The following MACROD2 variants were observed in gnomAD, a reference collection of about 807,000 sequenced individuals.
MACROD2 encodes ADP-ribose glycohydrolase MACROD2.
In MACROD2, 36 loss-of-function variants were observed where a neutral mutation model predicts 70.4. That is an observed-to-expected ratio of 0.51 (90% confidence interval 0.39 to 0.68). The LOEUF is 0.68. MACROD2 is among the 30% of genes least tolerant of loss of function. MACROD2 has a pLI of 0.00. For synonymous variants in MACROD2, 172 were observed against 178.8 expected (o/e 0.96, Z 0.30); for missense variants, 496 against 538.4 (o/e 0.92, Z 0.78).
chr20:14,697,097 T>C (rs1434505688), intron 5 of MACROD2, among the ~76,000 whole-genome samples: 1 of 152,178 alleles, frequency 6.6e-6, no homozygotes, highest in Non-Finnish European at 1.5e-5. Flanking sequence ...TGGGAGTGGC[T>C]TGACGGAACT....
At chr20:14,815,779 T>C (rs1316487693) in intron 5 of MACROD2, among the ~76,000 whole-genome samples, 1 of 152,024 alleles carries the variant, frequency 6.6e-6, no homozygotes, top group Non-Finnish European at 1.5e-5. Context: ...TTGTTTTTTA[T>C]TTTTATTTTT....
At chr20:14,659,146 C>A (rs979574755) in intron 4 of MACROD2, among the ~76,000 whole-genome samples, 1 of 152,084 alleles carries the variant, frequency 6.6e-6, no homozygotes, top group African/African-American at 2.4e-5. Flanking sequence ...CAATAACTAG[C>A]CTTTTTCATG....
rs1182325393 is a variant in MACROD2, at chr20:16,052,828, A to G, written c.*2952A>G. 1 of 152,668 alleles carries G rather than the reference A, an allele frequency of 6.6e-6. No homozygotes were observed. The highest frequency in any genetic ancestry group is 6.5e-5 in the Admixed American group (1 of 15,286). 9.5% of individuals were successfully genotyped at this position (152,668 alleles called of 1,614,324 possible). ...ATAACAAAGTTAGCAGAATATGTTC[A>G]ATATATTTTCTTGGGGAATAGGGTT... On this transcript the variant is annotated 3_prime_UTR_variant, in exon 18 of 18. Transcript: ENST00000684519.
chr20:14,242,356 C>G (rs1283436724), intron 3 of MACROD2, among the ~76,000 whole-genome samples: 1 of 152,020 alleles, frequency 6.6e-6, no homozygotes, highest in South Asian at 2.1e-4. Context: ...TTGTCATTTC[C>G]TGCACACACA....
chr20:14,922,801 A>C (rs2074179698), intron 5 of MACROD2, among the ~76,000 whole-genome samples: 1 of 152,202 alleles, frequency 6.6e-6, no homozygotes, highest in African/African-American at 2.4e-5. Context: ...AGTCAGTGAG[A>C]TAATTTCCTT....
intron 3 of MACROD2, among the ~76,000 whole-genome samples, chr20:14,180,183 A>T (rs959597291): frequency 1.3e-5 from 2 of 152,084 alleles, no homozygotes; most frequent in African/African-American, 4.8e-5. Flanking sequence ...TGGGTATTAC[A>T]CAGTAGGTAA....
chr20:14,064,578 A>C (rs1007527579), intron 2 of MACROD2, among the ~76,000 whole-genome samples: 1 of 152,084 alleles, frequency 6.6e-6, no homozygotes, highest in African/African-American at 2.4e-5. Flanking sequence ...CACTTTATTA[A>C]ATATGCCTCG....
intron 3 of MACROD2, among the ~76,000 whole-genome samples, chr20:14,292,386 G>A (rs1038175298): frequency 3.3e-5 from 5 of 151,886 alleles, no homozygotes; most frequent in African/African-American, 1.2e-4. Flanking sequence ...TAGAGGCCAA[G>A]GATGCTGCTG....
At chr20:16,000,087 GAAAT>G (rs1462308249) in intron 15 of MACROD2, among the ~76,000 whole-genome samples, 1 of 152,250 alleles carries the variant, frequency 6.6e-6, no homozygotes, top group East Asian at 1.9e-4. Context: ...GGGATTATAT[GAAAT>G]AAATAAAGTT....
At chr20:15,963,211 CAT>C (rs536309891) in intron 12 of MACROD2, among the ~76,000 whole-genome samples, 1 of 151,884 alleles carries the variant, frequency 6.6e-6, no homozygotes, top group African/African-American at 2.4e-5. Flanking sequence ...CTCTGGTACT[CAT>C]GTGTAGACAT....
chr20:15,001,316 A>G (rs1428447834), intron 5 of MACROD2, among the ~76,000 whole-genome samples: 1 of 152,142 alleles, frequency 6.6e-6, no homozygotes, highest in Admixed American at 6.5e-5. Flanking sequence ...CTGAGTATAC[A>G]GGACTTCAAT....
At chr20:15,111,915 C>G (rs2075958546) in intron 5 of MACROD2, among the ~76,000 whole-genome samples, 1 of 152,206 alleles carries the variant, frequency 6.6e-6, no homozygotes. Context: ...CTGCCTAATG[C>G]AAGCTCTTGA....
intron 6 of MACROD2, among the ~76,000 whole-genome samples, chr20:15,262,337 A>G (rs1014121840): frequency 1.3e-5 from 2 of 151,988 alleles, no homozygotes; most frequent in South Asian, 4.1e-4. Flanking sequence ...ACTTAACACA[A>G]TGACCTTCAG....
intron 5 of MACROD2, among the ~76,000 whole-genome samples, chr20:15,039,756 T>C (rs2075340944): frequency 6.6e-6 from 1 of 152,150 alleles, no homozygotes. Flanking sequence ...AGACAGCAGA[T>C]ACTTTTAGAG....
chr20:15,555,167 C>T (rs567496557), intron 8 of MACROD2, among the ~76,000 whole-genome samples: 4 of 152,090 alleles, frequency 2.6e-5, no homozygotes, highest in South Asian at 4.2e-4. Context: ...GAGTGAGAGG[C>T]GGCCAGGGGT....
At chr20:14,200,983 C>T (rs1354742719) in intron 3 of MACROD2, among the ~76,000 whole-genome samples, 12 of 147,004 alleles carry the variant, frequency 8.2e-5, no homozygotes, top group Non-Finnish European at 3.0e-5. Flanking sequence ...TTTTTTTGGA[C>T]TATTCCTTTT....
At chr20:14,921,945 AT>A (rs2074169191) in intron 5 of MACROD2, among the ~76,000 whole-genome samples, 1 of 152,180 alleles carries the variant, frequency 6.6e-6, no homozygotes, top group African/African-American at 2.4e-5. Flanking sequence ...AGAAGACCAA[AT>A]TGCATCAGAT....
At chr20:15,346,730 T>C (rs1282276939) in intron 6 of MACROD2, among the ~76,000 whole-genome samples, 1 of 152,210 alleles carries the variant, frequency 6.6e-6, no homozygotes, top group African/African-American at 2.4e-5. Context: ...TTATAAATCC[T>C]ATCAAGGTAG....
intron 6 of MACROD2, among the ~76,000 whole-genome samples, chr20:15,261,344 T>C (rs1164207946): frequency 6.6e-6 from 1 of 151,998 alleles, no homozygotes; most frequent in Non-Finnish European, 1.5e-5. Flanking sequence ...GATTTAATAC[T>C]ATCAATAATA....
Sources: gnomAD v4.1 joint callset for allele counts (sites outside exome capture counted in the v4.1 genomes callset) on GRCh38, gnomAD v4.1.1 for gene constraint, MANE v1.5 for transcripts, NCBI Gene and HGNC (gene_info 2026-07-23, HGNC 2026-07-21) for gene names.